CNBD1: variants seen among roughly 807,000 people sequenced by gnomAD.
CNBD1 encodes the protein cyclic nucleotide binding domain containing 1.
In CNBD1, 71 loss-of-function variants were observed where a neutral mutation model predicts 54.4. The observed-to-expected ratio is 1.30, with a 90% CI of 1.08 to 1.59. CNBD1 has a LOEUF of 1.59. CNBD1 is among the 40% of genes most tolerant of loss of function. CNBD1 has a pLI of 0.00. For synonymous variants in CNBD1, 182 were observed against 170.7 expected, an observed-to-expected ratio of 1.07 and a Z score of -0.51; for missense variants, 659 against 518.0, an observed-to-expected ratio of 1.27 and a Z score of -2.64.
At chr8:87,278,916 A>G (rs1225064540) in intron 6 of CNBD1, among the ~76,000 whole-genome samples, 2 of 151,526 alleles carry the variant, frequency 1.3e-5, no homozygotes, top group Non-Finnish European at 3.0e-5. Context: ...AAAAGGTAAT[A>G]TAGCACTTCC....
intron 1 of CNBD1, among the ~76,000 whole-genome samples, chr8:86,875,060 C>T (rs1200922256): frequency 6.9e-6 from 1 of 143,992 alleles, no homozygotes; most frequent in Non-Finnish European, 1.5e-5. Context: ...TTCTTTAATC[C>T]TAATGCAGCA....
rs1240413177 is a variant in CNBD1 at position 87,421,633 on chromosome 8, C to T, written c.214-6913C>T. Among the ~76,000 whole-genome samples the T allele has an allele frequency of 2.0e-5, 3 of 151,900 alleles. No individual in the cohort carries two copies. The East Asian group carries it at 5.8e-4, about 29-fold the overall frequency. ...TCATTTTTATGGCTGCATAGTATTC[C>T]ACGGTGTATATGTGCCACATTTTCT... On this transcript the variant is annotated intron_variant, in intron 2 of 7. Coordinates refer to the CNBD1 transcript ENST00000521593.
intron 2 of CNBD1, among the ~76,000 whole-genome samples, chr8:87,401,680 A>C (rs773068059): frequency 3.3e-5 from 5 of 152,046 alleles, no homozygotes; most frequent in Non-Finnish European, 7.4e-5. Flanking sequence ...CTAACCTTTA[A>C]GCTACTTGCA....
intron 8 of CNBD1, among the ~76,000 whole-genome samples, chr8:87,305,065 G>A (rs1466751076): frequency 6.6e-6 from 1 of 151,982 alleles, no homozygotes; most frequent in African/African-American, 2.4e-5. Context: ...AAGTTTCTGG[G>A]TACAAGATTA....
chr8:87,068,681 T>C (rs1810702943), intron 4 of CNBD1, among the ~76,000 whole-genome samples: 3 of 152,090 alleles, frequency 2.0e-5, no homozygotes, highest in Non-Finnish European at 4.4e-5. Flanking sequence ...CAGAATCTGT[T>C]TAGGATGTAA....
At chr8:87,230,081 G>T (rs1317799870) in intron 5 of CNBD1, among the ~76,000 whole-genome samples, 1 of 152,190 alleles carries the variant, frequency 6.6e-6, no homozygotes, top group Non-Finnish European at 1.5e-5. Context: ...AAGGCAAAAT[G>T]GGAGCCAAGA....
At chr8:87,252,363 T>G (rs928312214) in intron 6 of CNBD1, among the ~76,000 whole-genome samples, 1 of 152,210 alleles carries the variant, frequency 6.6e-6, no homozygotes, top group African/African-American at 2.4e-5. Context: ...TTAATATTAT[T>G]CAAAATCAAT....
chr8:86,982,497 G>A (rs79839944), intron 4 of CNBD1, among the ~76,000 whole-genome samples: 2 of 152,036 alleles, frequency 1.3e-5, no homozygotes, highest in Non-Finnish European at 2.9e-5. Flanking sequence ...AAGTGTTGAG[G>A]TTCCTTTATT....
intron 1 of CNBD1, among the ~76,000 whole-genome samples, chr8:86,874,986 TTATATA>T (rs10584669): frequency 0.039 from 4,631 of 120,020 alleles, 137 homozygotes; most frequent in East Asian, 0.097. Context: ...GTAAATCAAT[TTATATA>T]TATATATATA....
At chr8:87,220,869 T>C (rs1447457312) in intron 5 of CNBD1, among the ~76,000 whole-genome samples, 1 of 148,074 alleles carries the variant, frequency 6.8e-6, no homozygotes, top group Non-Finnish European at 1.5e-5. Context: ...AATATCTCGA[T>C]AGTTGTCTAC....
At chr8:87,108,398 C>T (rs1385524036) in intron 4 of CNBD1, among the ~76,000 whole-genome samples, 2 of 152,130 alleles carry the variant, frequency 1.3e-5, no homozygotes, top group African/African-American at 2.4e-5. Context: ...CAGTAGTTCT[C>T]AGGCAGGTAT....
chr8:87,186,733 A>G (rs1326354576), intron 4 of CNBD1, among the ~76,000 whole-genome samples: 1 of 151,982 alleles, frequency 6.6e-6, no homozygotes, highest in East Asian at 1.9e-4. Flanking sequence ...AAAAATTCCC[A>G]TTTTAAATTT....
chr8:87,186,622 C>A (rs1813480950), intron 4 of CNBD1, among the ~76,000 whole-genome samples: 1 of 151,878 alleles, frequency 6.6e-6, no homozygotes, highest in Admixed American at 6.6e-5. Flanking sequence ...TTATTTTAAT[C>A]AATGAACCAC....
chr8:87,383,410 G>A (rs922877597), downstream of CNBD1, among the ~76,000 whole-genome samples: 3 of 152,032 alleles, frequency 2.0e-5, no homozygotes, highest in Admixed American at 6.6e-5. Flanking sequence ...ACAATATTAG[G>A]TGCTCTAAAA....
intron 2 of CNBD1, among the ~76,000 whole-genome samples, chr8:86,904,210 T>C (rs868257567): frequency 3.3e-5 from 5 of 152,078 alleles, no homozygotes; most frequent in Non-Finnish European, 7.4e-5. Context: ...TTGTTCATTG[T>C]CATGCGGCAA....
chr8:87,105,311 CTTAAAA>C (rs1043227769), intron 4 of CNBD1, among the ~76,000 whole-genome samples: 3 of 152,030 alleles, frequency 2.0e-5, no homozygotes, highest in African/African-American at 7.3e-5. Context: ...TGAAACTTCT[CTTAAAA>C]TTAAAATAGA....
chr8:87,366,086 G>A (rs1313484493), intron 10 of CNBD1, among the ~76,000 whole-genome samples: 1 of 152,064 alleles, frequency 6.6e-6, no homozygotes, highest in Non-Finnish European at 1.5e-5. Context: ...CCAGCTATAT[G>A]TGTGTATTAA....
At chr8:87,345,705 C>G (rs1342217779) in intron 8 of CNBD1, among the ~76,000 whole-genome samples, 1 of 151,976 alleles carries the variant, frequency 6.6e-6, no homozygotes, top group South Asian at 2.1e-4. Flanking sequence ...AATGCAAGCT[C>G]TTTATGAAAT....
At chr8:86,986,852 C>T (rs1424397083) in intron 4 of CNBD1, among the ~76,000 whole-genome samples, 1 of 152,102 alleles carries the variant, frequency 6.6e-6, no homozygotes, top group African/African-American at 2.4e-5. Flanking sequence ...GTTCTCTATT[C>T]TGTTCCATTG....
Sources: gnomAD v4.1 joint callset for allele counts (sites outside exome capture counted in the v4.1 genomes callset) on GRCh38, gnomAD v4.1.1 for gene constraint, MANE v1.5 for transcripts, NCBI Gene and HGNC (gene_info 2026-07-23, HGNC 2026-07-21) for gene names.